SLC35F1: variants seen among roughly 807,000 people sequenced by gnomAD.
The protein encoded by SLC35F1 is solute carrier family 35 member F1, also known as chromosome 6 open reading frame 169.
A neutral mutation model predicts 48.7 loss-of-function variants in SLC35F1; 14 were observed. The observed-to-expected ratio is 0.29, with a 90% CI of 0.19 to 0.45. The LOEUF is 0.45. SLC35F1 is among the 20% of genes least tolerant of loss of function. SLC35F1 has a pLI of 1.00. For missense variants in SLC35F1, 404 were observed against 500.0 expected, an observed-to-expected ratio of 0.81 and a Z score of 1.83; for synonymous variants, 190 against 202.2, an observed-to-expected ratio of 0.94 and a Z score of 0.51.
At chr6:118,131,836 T>C (rs1003345816) in intron 1 of SLC35F1, among the ~76,000 whole-genome samples, 2 of 151,928 alleles carry the variant, frequency 1.3e-5, no homozygotes, top group Non-Finnish European at 2.9e-5. Context: ...TATATTAATA[T>C]AAGTAATATA....
At chr6:118,032,883 A>G (rs945198288) in intron 1 of SLC35F1, among the ~76,000 whole-genome samples, 1 of 151,940 alleles carries the variant, frequency 6.6e-6, no homozygotes, top group Admixed American at 6.6e-5. Context: ...CTTTCCTTCA[A>G]CTAAGTTCTT....
intron 1 of SLC35F1, among the ~76,000 whole-genome samples, chr6:118,011,508 C>T (rs542423620): frequency 5.3e-5 from 8 of 152,266 alleles, no homozygotes; most frequent in Non-Finnish European, 1.0e-4. Context: ...CACCTCCCAC[C>T]AGGCCCCTCC....
chr6:118,301,202 G>T (rs1416554070), intron 7 of SLC35F1, among the ~76,000 whole-genome samples: 1 of 152,104 alleles, frequency 6.6e-6, no homozygotes, highest in Non-Finnish European at 1.5e-5. Flanking sequence ...TTTAATGAAG[G>T]TTTATTTTCA....
chr6:118,280,274 C>T (rs1381872360), intron 6 of SLC35F1, among the ~76,000 whole-genome samples: 3 of 152,162 alleles, frequency 2.0e-5, no homozygotes, highest in Admixed American at 6.5e-5. Context: ...TAATAAACAA[C>T]TTAAACATTC....
Position 118,094,942 on chromosome 6 carries a change from TG to T in SLC35F1, c.174-59500del, listed in dbSNP as rs577584322. On this transcript the variant is annotated intron_variant, in intron 1 of 7. Coordinates refer to ENST00000360388, the MANE Select transcript of SLC35F1 (RefSeq NM_001029858.4). ...GAGATCGTGCCACTGCAGTCCAGCC[TG>T]GGTGACAGAGCGAGACTCCGTCTAA... Among the ~76,000 whole-genome samples, 529 of 149,278 alleles carry T rather than the reference TG, an allele frequency of 3.5e-3. 4 individuals are homozygous for T. Among genetic ancestry groups the T allele is most frequent in the Non-Finnish European group, 5.6e-3 (375 of 67,496 alleles).
chr6:117,988,952 A>C (rs1776882412), intron 1 of SLC35F1, among the ~76,000 whole-genome samples: 2 of 152,224 alleles, frequency 1.3e-5, no homozygotes, highest in Non-Finnish European at 2.9e-5. Flanking sequence ...ATGTATATTA[A>C]TCAGAAAAAC....
At chr6:118,136,946 A>G (rs1456090396) in intron 1 of SLC35F1, among the ~76,000 whole-genome samples, 9 of 152,248 alleles carry the variant, frequency 5.9e-5, no homozygotes, top group Admixed American at 5.9e-4. Flanking sequence ...ACTGGAATAT[A>G]GATTAGGCAA....
At chr6:118,175,023 G>A (rs564880261) in intron 2 of SLC35F1, among the ~76,000 whole-genome samples, 7 of 152,134 alleles carry the variant, frequency 4.6e-5, no homozygotes, top group East Asian at 1.9e-4. Flanking sequence ...TATAGAAGTC[G>A]GAAGATTGCT....
chr6:118,103,355 A>C (rs968387458), intron 1 of SLC35F1, among the ~76,000 whole-genome samples: 1 of 152,086 alleles, frequency 6.6e-6, no homozygotes. Flanking sequence ...TGCCATGTTG[A>C]TGTGCTGCAC....
At chr6:118,021,849 T>A (rs1777400230) in intron 1 of SLC35F1, among the ~76,000 whole-genome samples, 1 of 152,138 alleles carries the variant, frequency 6.6e-6, no homozygotes, top group Non-Finnish European at 1.5e-5. Flanking sequence ...GGCTAGATAA[T>A]CTAAGATGGT....
rs145656577 is a variant in SLC35F1, at chr6:118,105,400, C to T, written c.174-49045C>T. ...TTTTATATTCCATACCAGAGACCTACTCTATGTCTACCCGGTGGACCTTGT... is the reference window on the plus strand; with the variant it reads ...TTTTATATTCCATACCAGAGACCTATTCTATGTCTACCCGGTGGACCTTGT... On this transcript the variant is annotated intron_variant, in intron 1 of 7. Transcript: ENST00000360388. 7.3e-3 allele frequency among the ~76,000 whole-genome samples: 1,109 copies of T among 152,292 alleles called. 24 individuals carry two copies. Among genetic ancestry groups the T allele is most frequent in the Admixed American group, 0.023 (347 of 15,290 alleles).
Position 117,986,303 on chromosome 6 carries a change from G to A in SLC35F1, c.173+78404G>A, listed in dbSNP as rs545521273. Among the ~76,000 whole-genome samples the A allele has an allele frequency of 4.6e-5, 7 of 152,262 alleles. No homozygotes were observed. The East Asian group carries it at 1.4e-3, about 29-fold the overall frequency. ...GGCCATCAGAGACCACTCTTGGATT[G>A]AGGATAATTTTCAGGAAAAATAAAT... On this transcript the variant is annotated intron_variant, in intron 1 of 7. Transcript: ENST00000360388.
At chr6:117,912,155 G>A (rs535056710) in intron 1 of SLC35F1, among the ~76,000 whole-genome samples, 2 of 152,266 alleles carry the variant, frequency 1.3e-5, no homozygotes, top group South Asian at 2.1e-4. Flanking sequence ...TCTTATGGCG[G>A]GAATGTTTAA....
intron 1 of SLC35F1, among the ~76,000 whole-genome samples, chr6:118,013,021 AG>A (rs1206017547): frequency 6.6e-6 from 1 of 152,070 alleles, no homozygotes; most frequent in East Asian, 1.9e-4. Flanking sequence ...TACCCCCACC[AG>A]AGAACAGCAC....
In SLC35F1 at chr6:117,913,546, C is replaced by T. The variant is rs1031426330; in HGVS notation, c.173+5647C>T. On this transcript the variant is annotated intron_variant, in intron 1 of 7. Transcript: ENST00000360388. ...TAAATGAGCTGTTCAATATGCAATG[C>T]GTATTAACCTTGTTCTGACACTTTG... Among the ~76,000 whole-genome samples, 20 of 152,092 alleles carry T rather than the reference C, an allele frequency of 1.3e-4. No individual in the cohort carries two copies. In the South Asian group the frequency reaches 1.7e-3, roughly 13 times the overall value.
chr6:118,200,159 TATAC>T (rs71012386), intron 2 of SLC35F1, among the ~76,000 whole-genome samples: 38,492 of 147,114 alleles, frequency 0.26, 4,909 homozygotes, highest in East Asian at 0.27. Context: ...TACATACATA[TATAC>T]ATACATACAT....
chr6:118,270,009 C>T (rs1484891547), intron 4 of SLC35F1, among the ~76,000 whole-genome samples: 1 of 152,152 alleles, frequency 6.6e-6, no homozygotes, highest in Non-Finnish European at 1.5e-5. Context: ...GCCTGGGCAA[C>T]AGAGCAAGAC....
intron 1 of SLC35F1, among the ~76,000 whole-genome samples, chr6:118,144,180 A>C (rs1453566155): frequency 6.6e-6 from 1 of 152,214 alleles, no homozygotes; most frequent in African/African-American, 2.4e-5. Context: ...ATGATATGGA[A>C]TCAACCCAAA....
chr6:118,226,485 TACACACAC>T (rs1233953929), intron 2 of SLC35F1, among the ~76,000 whole-genome samples: 2 of 150,744 alleles, frequency 1.3e-5, no homozygotes, highest in Non-Finnish European at 3.0e-5. Flanking sequence ...GATGAATGGA[TACACACAC>T]ACACACACAC....
Sources: allele counts gnomAD v4.1 joint callset (sites outside exome capture counted in the v4.1 genomes callset), GRCh38; gene constraint gnomAD v4.1.1; transcripts MANE v1.5; gene names NCBI Gene and HGNC (gene_info 2026-07-23, HGNC 2026-07-21).